Variants in CARMIL1 observed in about 807,000 individuals in gnomAD.
CARMIL1 encodes the protein F-actin-uncapping protein LRRC16A.
In CARMIL1, 90 loss-of-function variants were observed where a neutral mutation model predicts 177.1. The observed-to-expected ratio is 0.51, with a 90% confidence interval of 0.43 to 0.61. The LOEUF (loss-of-function observed/expected upper bound fraction) is 0.61, where lower values mean the gene tolerates loss of function less well. CARMIL1 is among the 20% of genes least tolerant of loss of function. The pLI is 0.00. For missense variants in CARMIL1, 1,380 were observed against 1,667.0 expected, an observed-to-expected ratio of 0.83 and a Z score of 3.00; for synonymous variants, 577 against 606.2, an observed-to-expected ratio of 0.95 and a Z score of 0.71.
At chr6:25,299,911 G>C (rs952944757) in intron 2 of CARMIL1, among the ~76,000 whole-genome samples, 1 of 151,322 alleles carries the variant, frequency 6.6e-6, no homozygotes, top group Non-Finnish European at 1.5e-5. Flanking sequence ...CTGGGAGGTA[G>C]AGGTTGCAGT....
intron 11 of CARMIL1, among the ~76,000 whole-genome samples, chr6:25,474,456 G>A (rs1801357406): frequency 6.6e-6 from 1 of 152,042 alleles, no homozygotes; most frequent in African/African-American, 2.4e-5. Context: ...TGATATAGAT[G>A]TTCAGTTTTT....
intron 2 of CARMIL1, among the ~76,000 whole-genome samples, chr6:25,410,925 C>T (rs1794844325): frequency 6.6e-6 from 1 of 152,156 alleles, no homozygotes. Flanking sequence ...AGGAAAAGGG[C>T]ACACATATCC....
intron 2 of CARMIL1, among the ~76,000 whole-genome samples, chr6:25,389,849 G>GC (rs1792566707): frequency 6.6e-6 from 1 of 152,190 alleles, no homozygotes; most frequent in Non-Finnish European, 1.5e-5. Context: ...AGGAGACACT[G>GC]AGTTTCCTGC....
chr6:25,389,318 CTTTAAA>C (rs1792503903), intron 2 of CARMIL1, among the ~76,000 whole-genome samples: 1 of 152,086 alleles, frequency 6.6e-6, no homozygotes, highest in Admixed American at 6.6e-5. Flanking sequence ...TTTTGCATAA[CTTTAAA>C]TCTTCTTTTA....
intron 2 of CARMIL1, among the ~76,000 whole-genome samples, chr6:25,298,298 A>G (rs1782587988): frequency 6.6e-6 from 1 of 152,198 alleles, no homozygotes; most frequent in Non-Finnish European, 1.5e-5. Context: ...TTTCAAAAGA[A>G]ATACCTCAAC....
intron 8 of CARMIL1, chr6:25,451,945 G>A (rs1461077631): frequency 3.3e-6 from 2 of 615,046 alleles, no homozygotes; most frequent in African/African-American, 1.9e-5. Context: ...GTGTCACAGA[G>A]GATTGTTGTT....
At position 25,285,503 on chromosome 6, in the gene CARMIL1, A is replaced by T. The variant is rs144999076; in HGVS notation, c.138+594A>T. Among the ~76,000 whole-genome samples the T allele has an allele frequency of 1.1e-3, 171 of 152,332 alleles. 2 individuals are homozygous for T. The highest frequency in any genetic ancestry group is 3.8e-3 in the African/African-American group (159 of 41,560). ...ATGCTGAGGGATTGGGCCCTGCTGCAGAAAACTTCTTAGAGAGGTGTCAGT... is the reference window on the plus strand; with the variant it reads ...ATGCTGAGGGATTGGGCCCTGCTGCTGAAAACTTCTTAGAGAGGTGTCAGT... On this transcript the variant is annotated intron_variant, in intron 2 of 36. Coordinates refer to ENST00000329474, the MANE Select transcript of CARMIL1 (RefSeq NM_017640.6).
intron 2 of CARMIL1, among the ~76,000 whole-genome samples, chr6:25,300,833 TA>T (rs1396108809): frequency 6.6e-6 from 1 of 152,200 alleles, no homozygotes; most frequent in African/African-American, 2.4e-5. Flanking sequence ...CTAAGTATAT[TA>T]CTAAGTTACT....
In CARMIL1 at chr6:25,581,258, T is replaced by C; in HGVS notation, c.2825T>C (p.Leu942Pro). 6.2e-7 allele frequency: 1 copy of C among 1,612,704 alleles called. No individual in the cohort carries two copies. The highest frequency in any genetic ancestry group is 1.1e-5 in the South Asian group (1 of 90,678). Residue 942 changes from leucine (L) to proline (P), a missense_variant, in exon 31 of 37, where the codon CTA becomes CCA. By Grantham distance (98) the Leu-to-Pro change is moderately conservative. Transcript: ENST00000329474. ...VSRAFEMEFD[L>P]DKALEEVPIH... ...TTAATTTTAGAAATGGAGTTTGATC[T>C]AGATAAAGCGCTGGAAGAGGTACCA...
intron 9 of CARMIL1, among the ~76,000 whole-genome samples, chr6:25,469,853 A>C: frequency 6.6e-6 from 1 of 152,226 alleles, no homozygotes; most frequent in East Asian, 1.9e-4. Context: ...GCACAAGCCA[A>C]AATGACTTTT....
Position 25,435,549 on chromosome 6 carries a change from G to A in CARMIL1, c.316G>A (p.Val106Met). 1 of 1,559,994 alleles carries A rather than the reference G, an allele frequency of 6.4e-7. No homozygotes were observed. Among genetic ancestry groups the A allele is most frequent in the Non-Finnish European group, 8.7e-7 (1 of 1,151,120 alleles). The change falls in exon 5 of 37, where the codon GTG becomes ATG. Residue 106 changes from valine to methionine, a missense_variant. Coordinates refer to ENST00000329474, the MANE Select transcript of CARMIL1 (RefSeq NM_017640.6). ...KMASPEDVSE[V>M]LAHIGTCLRK... ...GGCGTCACCCGAGGACGTGAGTGAG[G>A]TGCTGGCTCACATAGGCACCTGCCT... is the stretch of plus-strand genomic sequence containing the variant.
intron 5 of CARMIL1, among the ~76,000 whole-genome samples, chr6:25,442,387 T>A (rs1209162820): frequency 1.3e-5 from 2 of 151,914 alleles, no homozygotes; most frequent in Non-Finnish European, 2.9e-5. Context: ...TGTTTTGTTT[T>A]AGGATTTTGG....
At chr6:25,427,531 G>A (rs1796378949) in intron 4 of CARMIL1, among the ~76,000 whole-genome samples, 1 of 152,154 alleles carries the variant, frequency 6.6e-6, no homozygotes, top group Non-Finnish European at 1.5e-5. Context: ...TTAAGTACAA[G>A]TTTTTGATTG....
chr6:25,561,553 C>T (rs936929380), intron 29 of CARMIL1, among the ~76,000 whole-genome samples: 1 of 152,156 alleles, frequency 6.6e-6, no homozygotes, highest in African/African-American at 2.4e-5. Flanking sequence ...CAATTATTTT[C>T]CCTTAACAAA....
intron 26 of CARMIL1, among the ~76,000 whole-genome samples, chr6:25,545,559 A>G (rs180883236): frequency 6.6e-6 from 1 of 152,326 alleles, no homozygotes; most frequent in Admixed American, 6.5e-5. Context: ...GAAGATTTGA[A>G]CAACAGAAAT....
chr6:25,403,074 A>G (rs2150588285), intron 2 of CARMIL1, among the ~76,000 whole-genome samples: 1 of 124,818 alleles, frequency 8.0e-6, no homozygotes, highest in Middle Eastern at 4.3e-3. Context: ...CATTTCTTCC[A>G]TAAAGAGTTT....
intron 20 of CARMIL1, among the ~76,000 whole-genome samples, chr6:25,512,920 G>A (rs1313269281): frequency 3.3e-5 from 5 of 152,140 alleles, no homozygotes; most frequent in Non-Finnish European, 7.3e-5. Context: ...GATTAAGCAT[G>A]TTCAGCTATG....
intron 2 of CARMIL1, among the ~76,000 whole-genome samples, chr6:25,419,910 A>C (rs575143314): frequency 1.3e-5 from 2 of 152,284 alleles, no homozygotes; most frequent in East Asian, 3.9e-4. Context: ...TTTGTTCTAA[A>C]AGAACTTTGA....
At chr6:25,487,213 A>G (rs1321230874) in intron 12 of CARMIL1, among the ~76,000 whole-genome samples, 2 of 152,156 alleles carry the variant, frequency 1.3e-5, no homozygotes, top group Non-Finnish European at 2.9e-5. Flanking sequence ...GAACGTTCTA[A>G]GCTCACAGCA....
Sources: gnomAD v4.1 joint callset for allele counts (sites outside exome capture counted in the v4.1 genomes callset) on GRCh38, gnomAD v4.1.1 for gene constraint, MANE v1.5 for transcripts, NCBI Gene and HGNC (gene_info 2026-07-23, HGNC 2026-07-21) for gene names.